Variants in ZNF713 observed in about 807,000 individuals in gnomAD.
ZNF713 encodes the protein zinc finger protein 713.
ZNF713 carries 21 observed loss-of-function variants against 28.7 expected under a neutral mutation model. The ratio of observed to expected loss-of-function variants is 0.73; its 90% CI spans 0.52 to 1.05. The LOEUF (loss-of-function observed/expected upper bound fraction) is 1.05, where lower values mean the gene tolerates loss of function less well. ZNF713 is among the 50% of genes least tolerant of loss of function. The probability of loss-of-function intolerance (pLI) is 0.00; values close to 1 mark genes in which losing one functional copy is unlikely to be tolerated. For missense variants in ZNF713, 458 were observed against 532.4 expected, an observed-to-expected ratio of 0.86 and a Z score of 1.37; for synonymous variants, 167 against 178.0, an observed-to-expected ratio of 0.94 and a Z score of 0.49.
Position 55,939,405 on chromosome 7 carries a change from T to G in ZNF713, c.731T>G (p.Phe244Cys). The G allele has an allele frequency of 1.2e-6, 2 of 1,613,876 alleles. No homozygotes were observed. The highest frequency in any genetic ancestry group is 1.7e-6 in the Non-Finnish European group (2 of 1,180,012). ...GAATATAGTGAGTGTGGAAAAATCTTCAATCAACATATTCTTCTTACTGAT... is the reference window on the plus strand; with the variant it reads ...GAATATAGTGAGTGTGGAAAAATCTGCAATCAACATATTCTTCTTACTGAT... Reference protein sequence around the residue: ...PYEYSECGKIFNQHILLTDHI... With the variant: ...PYEYSECGKICNQHILLTDHI... The change falls in exon 7 of 7, where the codon TTC becomes TGC. Residue 244 changes from phenylalanine to cysteine, a missense_variant. By Grantham distance (205) the Phe-to-Cys change is radical (BLOSUM62 -2). Coordinates refer to ENST00000429591, the MANE Select transcript of ZNF713 (RefSeq NM_182633.3).
intron 6 of ZNF713, among the ~76,000 whole-genome samples, chr7:55,933,964 C>G (rs1165076890): frequency 1.3e-5 from 2 of 152,156 alleles, no homozygotes; most frequent in African/African-American, 4.8e-5. Context: ...CTTGGCCTCC[C>G]AAAGTGCTGG....
Position 55,923,638 on chromosome 7 carries a change from G to A in ZNF713, c.246G>A (p.Ala82=), listed in dbSNP as rs924212879. Residue 82 remains alanine (A), a synonymous_variant, in exon 6 of 7, where the codon GCG becomes GCA. Transcript: ENST00000429591. The stretch of plus-strand genomic sequence containing the variant: ...AGCTTTGTAAGCCAGAGGTAATCGC[G>A]CAGTTGGAGCTAGAGGAAGAATGGG... ...GYQLCKPEVI[A]QLELEEEWVI... is the part of the protein sequence containing the mutation. The A allele has an allele frequency of 1.9e-6, 3 of 1,610,290 alleles. No individual in the cohort carries two copies. The highest frequency in any genetic ancestry group is 2.5e-6 in the Non-Finnish European group (3 of 1,178,192).
chr7:55,912,551 G>A, intron 3 of ZNF713, 84 bp from the exon 4 acceptor site: 1 of 955,796 alleles, frequency 1.0e-6, no homozygotes, highest in Non-Finnish European at 1.6e-6. Flanking sequence ...AGTACTGTCT[G>A]CCATACCTAC....
chr7:55,904,934 T>G (rs1330163370), intron 1 of ZNF713, among the ~76,000 whole-genome samples: 1 of 152,018 alleles, frequency 6.6e-6, no homozygotes, highest in East Asian at 1.9e-4. Flanking sequence ...ACCATGTTGA[T>G]CAGGCTGGTC....
chr7:55,913,195 C>CTTTTTTTTTTTTT (rs66851959), intron 4 of ZNF713, among the ~76,000 whole-genome samples: 1 of 88,140 alleles, frequency 1.1e-5, no homozygotes, highest in African/African-American at 4.8e-5. Flanking sequence ...GTTTTGATTC[C>CTTTTTTTTTTTTT]TTTTTTTTTT....
chr7:55,888,360 G>A (rs1025829990), intron 1 of ZNF713, among the ~76,000 whole-genome samples: 4 of 152,082 alleles, frequency 2.6e-5, no homozygotes, highest in Non-Finnish European at 4.4e-5. Flanking sequence ...GCAGGCGTGT[G>A]TATGCTCAGA....
chr7:55,913,387 G>C (rs1785823699), intron 4 of ZNF713, among the ~76,000 whole-genome samples: 1 of 150,986 alleles, frequency 6.6e-6, no homozygotes. Context: ...ATTTTTAGTA[G>C]AGATGAGCTT....
At chr7:55,921,022 A>G (rs991719498) in intron 4 of ZNF713, among the ~76,000 whole-genome samples, 6 of 152,152 alleles carry the variant, frequency 3.9e-5, no homozygotes, top group Non-Finnish European at 8.8e-5. Flanking sequence ...TTTAAGCTGG[A>G]GCCAATGTTC....
chr7:55,904,031 T>C (rs1232497253), intron 1 of ZNF713, among the ~76,000 whole-genome samples: 4 of 151,330 alleles, frequency 2.6e-5, no homozygotes, highest in Non-Finnish European at 5.9e-5. Flanking sequence ...GAGTAGATCT[T>C]GGGAAAACCT....
chr7:55,934,749 C>G (rs533642709), intron 6 of ZNF713, among the ~76,000 whole-genome samples: 4 of 152,274 alleles, frequency 2.6e-5, no homozygotes, highest in African/African-American at 9.6e-5. Context: ...AAGCAGTCTG[C>G]CTGCCTTGGC....
Position 55,939,747 on chromosome 7 carries a change from C to T in ZNF713, c.1073C>T (p.Thr358Ile). Residue 358 changes from threonine (T) to isoleucine (I), a missense_variant, in exon 7 of 7, where the codon ACT becomes ATT. By Grantham distance (89) the Thr-to-Ile change is moderately conservative. Transcript: ENST00000429591. ...GCTTTTAGCCGCATCACATCCCTTACTGAACATCATAGACTTCATACCGGA... is the reference window on the plus strand; with the variant it reads ...GCTTTTAGCCGCATCACATCCCTTATTGAACATCATAGACTTCATACCGGA... The part of the protein sequence containing the change: ...GKAFSRITSL[T>I]EHHRLHTGEK... The T allele has an allele frequency of 1.2e-6, 2 of 1,614,202 alleles. No individual in the cohort carries two copies. Among genetic ancestry groups the T allele is most frequent in the South Asian group, 1.1e-5 (1 of 91,082 alleles).
chr7:55,916,523 G>T (rs1354827194), intron 4 of ZNF713, among the ~76,000 whole-genome samples: 2 of 152,130 alleles, frequency 1.3e-5, no homozygotes, highest in African/African-American at 4.8e-5. Flanking sequence ...TTCTTTCCTA[G>T]AATATAAGCT....
rs1359892352 is a variant in ZNF713 at position 55,941,782 on chromosome 7, G to T, written c.*1776G>T. ...TCGTTGATGTCCCCCCAAAAATCTT[G>T]TGTGCCGTTGTTTGAGAAACAGTGT... is the stretch of plus-strand genomic sequence containing the variant. On this transcript the variant is annotated 3_prime_UTR_variant, in exon 7 of 7. Transcript: ENST00000429591. The T allele has an allele frequency of 6.6e-6, 1 of 152,026 alleles. No individual in the cohort carries two copies. The highest frequency in any genetic ancestry group is 1.5e-5 in the Non-Finnish European group (1 of 68,012). 9.4% of individuals were successfully genotyped at this position (152,026 alleles called of 1,614,324 possible).
At chr7:55,927,896 CAA>C (rs71533249) in intron 6 of ZNF713, among the ~76,000 whole-genome samples, 27 of 44,934 alleles carry the variant, frequency 6.0e-4, no homozygotes, top group South Asian at 3.0e-3. Flanking sequence ...GACTCTGTCT[CAA>C]AAAAAAAAAA....
intron 6 of ZNF713, among the ~76,000 whole-genome samples, chr7:55,929,803 A>G (rs1786175681): frequency 6.6e-6 from 1 of 152,056 alleles, no homozygotes; most frequent in Admixed American, 6.6e-5. Context: ...GACATCTTTT[A>G]TAACCTTGAA....
intron 1 of ZNF713, among the ~76,000 whole-genome samples, chr7:55,900,606 G>A (rs1301998056): frequency 6.6e-6 from 1 of 152,156 alleles, no homozygotes; most frequent in Non-Finnish European, 1.5e-5. Flanking sequence ...CAGAAAAACA[G>A]AAACTCTATG....
At chr7:55,929,071 G>A (rs1424847250) in intron 6 of ZNF713, among the ~76,000 whole-genome samples, 1 of 151,916 alleles carries the variant, frequency 6.6e-6, no homozygotes, top group African/African-American at 2.4e-5. Context: ...CCTGGATGTC[G>A]AGGCTGCAGT....
chr7:55,918,814 G>A (rs534253023), intron 4 of ZNF713, among the ~76,000 whole-genome samples: 6 of 152,126 alleles, frequency 3.9e-5, no homozygotes, highest in Admixed American at 1.3e-4. Flanking sequence ...CCAACACGGT[G>A]AAACCTCGTC....
Position 55,887,612 on chromosome 7 carries a change from G to C in ZNF713, c.-651G>C, listed in dbSNP as rs1262670778. The C allele has an allele frequency of 1.0e-5, 1 of 98,426 alleles. No homozygotes were observed. Among genetic ancestry groups the C allele is most frequent in the Non-Finnish European group, 1.7e-5 (1 of 57,978 alleles). 6.1% of individuals were successfully genotyped at this position (98,426 alleles called of 1,614,324 possible). Reference sequence around the variant, plus strand: ...CTCCCGGGTCCACCGCGGCGGCGGCGGCGGCGGCGGCGGCGGCGGCGGCGG... The same window carrying C: ...CTCCCGGGTCCACCGCGGCGGCGGCCGCGGCGGCGGCGGCGGCGGCGGCGG... On this transcript the variant is annotated 5_prime_UTR_variant, in exon 1 of 7. Coordinates refer to ENST00000429591, the MANE Select transcript of ZNF713 (RefSeq NM_182633.3).
Sources: allele counts gnomAD v4.1 joint callset (sites outside exome capture counted in the v4.1 genomes callset), GRCh38; gene constraint gnomAD v4.1.1; transcripts MANE v1.5; gene names NCBI Gene and HGNC (gene_info 2026-07-23, HGNC 2026-07-21).